ADARB2: variants seen among roughly 807,000 people sequenced by gnomAD.
ADARB2 encodes inactive double-stranded RNA-specific editase B2.
ADARB2 carries 25 observed loss-of-function variants against 62.2 expected under a neutral mutation model. That is an observed-to-expected ratio of 0.40 (90% confidence interval 0.29 to 0.56). ADARB2 has a LOEUF of 0.56. Among genes scored for constraint, ADARB2 ranks in the 20% least tolerant of loss-of-function variants. The probability of loss-of-function intolerance (pLI) is 0.43; values close to 1 mark genes in which losing one functional copy is unlikely to be tolerated. For synonymous variants in ADARB2, 572 were observed against 500.8 expected (o/e 1.14, Z -1.90); for missense variants, 1,071 against 1,077.4 (o/e 0.99, Z 0.08).
chr10:1,219,918 A>G (rs1307044680), intron 6 of ADARB2, among the ~76,000 whole-genome samples: 3 of 135,078 alleles, frequency 2.2e-5, no homozygotes, highest in Non-Finnish European at 3.2e-5. Context: ...GGTGGTGGCG[A>G]TGATGGTGAT....
At chr10:1,201,525 C>T (rs1162978768) in intron 7 of ADARB2, among the ~76,000 whole-genome samples, 1 of 151,852 alleles carries the variant, frequency 6.6e-6, no homozygotes, top group African/African-American at 2.4e-5. Flanking sequence ...GGGGTGAGGT[C>T]GGGCGCTCTG....
chr10:1,412,262 G>A (rs12765994), intron 1 of ADARB2, among the ~76,000 whole-genome samples: 17,110 of 152,116 alleles, frequency 0.11, 1,056 homozygotes, highest in South Asian at 0.23. Context: ...GGAAACCCTC[G>A]GGTCTTTAAA....
At chr10:1,370,222 T>G (rs1417163497) in intron 2 of ADARB2, among the ~76,000 whole-genome samples, 1 of 152,082 alleles carries the variant, frequency 6.6e-6, no homozygotes, top group Non-Finnish European at 1.5e-5. Flanking sequence ...TCTCGACAGA[T>G]GTATAAAAGG....
chr10:1,323,791 T>C (rs909608956), intron 3 of ADARB2, among the ~76,000 whole-genome samples: 1 of 152,060 alleles, frequency 6.6e-6, no homozygotes, highest in Non-Finnish European at 1.5e-5. Context: ...ACGTAAACTA[T>C]AAAACTTTTA....
chr10:1,191,257 G>T (rs1398857625), intron 8 of ADARB2, among the ~76,000 whole-genome samples: 2 of 152,240 alleles, frequency 1.3e-5, no homozygotes, highest in African/African-American at 4.8e-5. Flanking sequence ...GTCCAGGAGG[G>T]TGGGGGGCCA....
intron 3 of ADARB2, among the ~76,000 whole-genome samples, chr10:1,343,489 AACT>A (rs1482581548): frequency 6.6e-6 from 1 of 152,204 alleles, no homozygotes; most frequent in African/African-American, 2.4e-5. Flanking sequence ...CTTAAAACAG[AACT>A]ACCATCTGAC....
intron 1 of ADARB2, among the ~76,000 whole-genome samples, chr10:1,532,370 T>C (rs1160076886): frequency 1.3e-5 from 2 of 152,176 alleles, no homozygotes; most frequent in African/African-American, 2.4e-5. Flanking sequence ...GGGAACCAAC[T>C]TTCCCCCGTG....
intron 1 of ADARB2, among the ~76,000 whole-genome samples, chr10:1,698,034 T>C (rs553962576): frequency 6.6e-6 from 1 of 152,312 alleles, no homozygotes; most frequent in South Asian, 2.1e-4. Flanking sequence ...CACACCTTTG[T>C]TAGAATGATG....
chr10:1,648,487 C>G (rs759184537), intron 1 of ADARB2, among the ~76,000 whole-genome samples: 5 of 152,176 alleles, frequency 3.3e-5, no homozygotes, highest in Non-Finnish European at 5.9e-5. Flanking sequence ...GCCATCTCCC[C>G]CATAGTTTTA....
In ADARB2 at chr10:1,705,717, C is replaced by G. The variant is rs60539362; in HGVS notation, c.100+31334G>C. On this transcript the variant is annotated intron_variant, in intron 1 of 9. Transcript: ENST00000381312. The stretch of plus-strand genomic sequence containing the variant: ...CTGTCTCCACCTAAAGCTGTTCTTA[C>G]AAAGAAGCGTGTGAGGCCTCTCAAT... 0.015 allele frequency among the ~76,000 whole-genome samples: 2,336 copies of G among 152,274 alleles called. 139 individuals are homozygous for G. The East Asian group carries it at 0.18, about 12-fold the overall frequency.
chr10:1,732,340 CTA>C (rs1003061993), intron 1 of ADARB2, among the ~76,000 whole-genome samples: 5 of 142,668 alleles, frequency 3.5e-5, no homozygotes, highest in African/African-American at 1.3e-4. Context: ...ATTTCCTTTT[CTA>C]TGTTTCCTTA....
intron 1 of ADARB2, among the ~76,000 whole-genome samples, chr10:1,544,345 G>T (rs977687787): frequency 3.9e-5 from 6 of 152,256 alleles, no homozygotes; most frequent in Non-Finnish European, 7.3e-5. Context: ...GGGGTGCGGA[G>T]TGTTGGGCTG....
chr10:1,452,604 T>C lies in ADARB2; in HGVS notation c.101-73444A>G, dbSNP rs541191757. Among the ~76,000 whole-genome samples the C allele has an allele frequency of 1.4e-4, 14 of 100,244 alleles. No individual in the cohort carries two copies. The East Asian group carries it at 4.7e-3, about 34-fold the overall frequency. The allele number at this position is 100,244 out of a possible 152,430, so 65.8% of individuals were successfully genotyped here. On this transcript the variant is annotated intron_variant, in intron 1 of 9. Transcript: ENST00000381312. ...GTGGGAGCTGAACAATGAGAACTCA[T>C]GGACACGGGGGTTGGGGGGGGGAAT...
At chr10:1,646,899 G>A (rs1490449386) in intron 1 of ADARB2, among the ~76,000 whole-genome samples, 1 of 152,216 alleles carries the variant, frequency 6.6e-6, no homozygotes, top group East Asian at 1.9e-4. Flanking sequence ...GTGCCTGCGT[G>A]CCTGCGACCA....
chr10:1,571,172 G>A (rs1375727478), intron 1 of ADARB2, among the ~76,000 whole-genome samples: 1 of 152,150 alleles, frequency 6.6e-6, no homozygotes, highest in East Asian at 1.9e-4. Flanking sequence ...TTTTCTTGAA[G>A]GCCCTCGCAT....
chr10:1,421,153 C>T (rs1451614820), intron 1 of ADARB2, among the ~76,000 whole-genome samples: 1 of 152,022 alleles, frequency 6.6e-6, no homozygotes, highest in East Asian at 1.9e-4. Context: ...GCGGGGGCTC[C>T]TTCAGACCTG....
intron 1 of ADARB2, among the ~76,000 whole-genome samples, chr10:1,458,440 ATATAT>A (rs567887045): frequency 3.2e-4 from 49 of 152,290 alleles, no homozygotes; most frequent in African/African-American, 9.6e-4. Context: ...GCATTTTAAT[ATATAT>A]TATAAGTTTT....
At chr10:1,401,296 G>A (rs889937477) in intron 1 of ADARB2, among the ~76,000 whole-genome samples, 3 of 152,210 alleles carry the variant, frequency 2.0e-5, no homozygotes, top group Admixed American at 2.0e-4. Flanking sequence ...GGAAGGAGGC[G>A]TGATGATGGT....
chr10:1,509,961 G>A (rs752006321), intron 1 of ADARB2, among the ~76,000 whole-genome samples: 4 of 152,004 alleles, frequency 2.6e-5, no homozygotes, highest in African/African-American at 7.2e-5. Context: ...AGGTTCTGAC[G>A]TCTTAAAATC....
Sources: allele counts gnomAD v4.1 joint callset (sites outside exome capture counted in the v4.1 genomes callset), GRCh38; gene constraint gnomAD v4.1.1; transcripts MANE v1.5; gene names NCBI Gene and HGNC (gene_info 2026-07-23, HGNC 2026-07-21).